Variants in ASTN2 observed in about 807,000 individuals in gnomAD.
ASTN2 encodes the protein astrotactin 2, also known as astrotactin-2.
In ASTN2, 54 loss-of-function variants were observed where a neutral mutation model predicts 139.8. The observed-to-expected ratio is 0.39, with a 90% CI of 0.31 to 0.48. The LOEUF (loss-of-function observed/expected upper bound fraction) is 0.48, where lower values mean the gene tolerates loss of function less well. ASTN2 is among the 20% of genes least tolerant of loss of function. The pLI, the probability that ASTN2 is intolerant of heterozygous loss-of-function variation, is 0.95. For synonymous variants in ASTN2, 756 were observed against 719.5 expected (o/e 1.05, Z -0.81); for missense variants, 1,565 against 1,725.1 (o/e 0.91, Z 1.64).
chr9:116,473,006 T>C (rs1358838373), intron 20 of ASTN2, among the ~76,000 whole-genome samples: 1 of 151,714 alleles, frequency 6.6e-6, no homozygotes, highest in East Asian at 1.9e-4. Flanking sequence ...AGCCTTCCCA[T>C]CTTAGTTTCC....
At chr9:116,815,781 G>A (rs1176942572) in intron 12 of ASTN2, among the ~76,000 whole-genome samples, 3 of 107,164 alleles carry the variant, frequency 2.8e-5, no homozygotes, top group African/African-American at 1.1e-4. Context: ...CTCCAGCCTG[G>A]GCAACAGAGC....
chr9:117,367,675 G>GA (rs1448895000), intron 1 of ASTN2, among the ~76,000 whole-genome samples: 3 of 152,118 alleles, frequency 2.0e-5, no homozygotes, highest in African/African-American at 7.2e-5. Context: ...TACAGTTCCT[G>GA]AGCTAGGATG....
intron 1 of ASTN2, among the ~76,000 whole-genome samples, chr9:117,397,509 C>A (rs1830707857): frequency 6.6e-6 from 1 of 152,138 alleles, no homozygotes; most frequent in Admixed American, 6.5e-5. Flanking sequence ...ATGAAACCAA[C>A]ACTGGAGATC....
At chr9:116,565,408 T>TCC (rs1160762759) in intron 19 of ASTN2, among the ~76,000 whole-genome samples, 53 of 114,090 alleles carry the variant, frequency 4.6e-4, no homozygotes, top group Admixed American at 1.4e-3. Context: ...TATATATATA[T>TCC]ATATATATAT....
intron 17 of ASTN2, among the ~76,000 whole-genome samples, chr9:116,637,413 T>C (rs1200439546): frequency 6.6e-6 from 1 of 152,218 alleles, no homozygotes; most frequent in Non-Finnish European, 1.5e-5. Context: ...AAGGTAGATA[T>C]TATTAATCTC....
At chr9:116,486,553 T>A (rs2119079387) in intron 20 of ASTN2, among the ~76,000 whole-genome samples, 1 of 152,298 alleles carries the variant, frequency 6.6e-6, no homozygotes, top group African/African-American at 2.4e-5. Flanking sequence ...ATGAGTTGAA[T>A]AACTGGTGAA....
chr9:116,654,498 T>C (rs775137944), intron 16 of ASTN2, among the ~76,000 whole-genome samples: 4 of 152,186 alleles, frequency 2.6e-5, no homozygotes, highest in East Asian at 1.9e-4. Flanking sequence ...TATACTTAGA[T>C]TGTGAATCTC....
chr9:117,304,181 G>T (rs1419631309), intron 1 of ASTN2, among the ~76,000 whole-genome samples: 1 of 152,174 alleles, frequency 6.6e-6, no homozygotes, highest in Non-Finnish European at 1.5e-5. Context: ...ATATAAATAG[G>T]AGCAAATCAA....
rs1042560636 is a variant in ASTN2 at position 116,682,973 on chromosome 9, A to T, written c.2807-31180T>A. Among the ~76,000 whole-genome samples, 5 of 151,856 alleles carry T rather than the reference A, an allele frequency of 3.3e-5. No homozygotes were observed. The East Asian group carries it at 9.7e-4, about 29-fold the overall frequency. On this transcript the variant is annotated intron_variant, in intron 16 of 22. Coordinates refer to ENST00000313400, the MANE Select transcript of ASTN2 (RefSeq NM_001365068.1). ...GCACACCAGCATGGCACATGTATACATAGGTAACTAACCTGCACATTGTGC... is the reference window on the plus strand; with the variant it reads ...GCACACCAGCATGGCACATGTATACTTAGGTAACTAACCTGCACATTGTGC...
At chr9:117,264,111 A>T (rs763854515) in intron 2 of ASTN2, among the ~76,000 whole-genome samples, 1 of 152,212 alleles carries the variant, frequency 6.6e-6, no homozygotes, top group African/African-American at 2.4e-5. Flanking sequence ...AATACAGTTT[A>T]TTTATGGTAT....
chr9:116,783,848 T>C (rs1036043623), intron 13 of ASTN2, among the ~76,000 whole-genome samples: 2 of 152,194 alleles, frequency 1.3e-5, no homozygotes, highest in Non-Finnish European at 2.9e-5. Flanking sequence ...TCTTTATCGA[T>C]GGACATAAGA....
intron 7 of ASTN2, among the ~76,000 whole-genome samples, chr9:116,987,542 G>T (rs1294781023): frequency 6.6e-6 from 1 of 152,256 alleles, no homozygotes; most frequent in African/African-American, 2.4e-5. Context: ...CCTGAGGTCT[G>T]CCAGCCATGC....
intron 4 of ASTN2, among the ~76,000 whole-genome samples, chr9:117,103,601 C>T (rs779066206): frequency 2.0e-4 from 30 of 152,190 alleles, no homozygotes; most frequent in Middle Eastern, 3.2e-3. Context: ...CTCTGCCAGC[C>T]TCGACAGGCC....
intron 2 of ASTN2, among the ~76,000 whole-genome samples, chr9:117,253,995 AC>A (rs1315935266): frequency 1.3e-5 from 2 of 152,164 alleles, no homozygotes; most frequent in Non-Finnish European, 2.9e-5. Flanking sequence ...CCAGCCCTGA[AC>A]AGCATCCCGA....
intron 5 of ASTN2, among the ~76,000 whole-genome samples, chr9:117,054,637 T>C (rs973246256): frequency 1.3e-5 from 2 of 152,154 alleles, no homozygotes; most frequent in African/African-American, 2.4e-5. Context: ...AATGTGCAGT[T>C]CAGCAGAAGG....
intron 11 of ASTN2, among the ~76,000 whole-genome samples, chr9:116,836,592 T>C (rs1421957092): frequency 1.3e-5 from 2 of 151,994 alleles, no homozygotes; most frequent in Non-Finnish European, 2.9e-5. Context: ...TTTTGTTTTG[T>C]TTTGTTTTGT....
Position 116,699,717 on chromosome 9 carries a change from TA to T in ASTN2, c.2806+26053del. 6.2e-7 allele frequency: 1 copy of T among 1,614,164 alleles called. No individual in the cohort carries two copies. Among genetic ancestry groups the T allele is most frequent in the African/African-American group, 1.3e-5 (1 of 75,064 alleles). Reference sequence around the variant, plus strand: ...TTCCACCCCATAGGGGATGAGAAATTATCAGTTTCTTCTGCTCCCAAGCCAA... The same window carrying T: ...TTCCACCCCATAGGGGATGAGAAATTTCAGTTTCTTCTGCTCCCAAGCCAA... On this transcript the variant is annotated intron_variant, in intron 16 of 22. Transcript: ENST00000313400. This position sits in a 1 kb window ranked among gnomAD's most constrained non-coding sequence, Gnocchi z 4.2.
rs146641653 is a variant in ASTN2, at chr9:117,412,440, T to G, written c.442+2057A>C. ...ACATGGGTCCTGGGGGAATCAAGAC[T>G]TCTAATTCCTCGCTCAGGTCCTCAC... On this transcript the variant is annotated intron_variant, in intron 1 of 22. Transcript: ENST00000313400. 1.9e-3 allele frequency among the ~76,000 whole-genome samples: 293 copies of G among 152,242 alleles called. 2 individuals carry two copies. Among genetic ancestry groups the G allele is most frequent in the African/African-American group, 6.4e-3 (267 of 41,546 alleles).
At chr9:117,162,245 ACCT>A (rs1053345343) in intron 3 of ASTN2, among the ~76,000 whole-genome samples, 23 of 151,944 alleles carry the variant, frequency 1.5e-4, no homozygotes, top group African/African-American at 5.1e-4. Flanking sequence ...TGTGAGCCTC[ACCT>A]CCTCCTTCCT....
Sources: gnomAD v4.1 joint callset for allele counts (sites outside exome capture counted in the v4.1 genomes callset) on GRCh38, gnomAD v4.1.1 for gene constraint, Gnocchi (gnomAD v3.1) non-coding constraint, MANE v1.5 for transcripts, NCBI Gene and HGNC (gene_info 2026-07-23, HGNC 2026-07-21) for gene names.